Variants in COL7A1 observed in about 807,000 individuals in gnomAD.
The protein encoded by COL7A1 is collagen type VII alpha 1 chain.
In COL7A1, 296 loss-of-function variants were observed where a neutral mutation model predicts 456.2. The observed-to-expected ratio is 0.65, with a 90% confidence interval of 0.59 to 0.71. The LOEUF is 0.71. Among genes scored for constraint, COL7A1 ranks in the 30% least tolerant of loss-of-function variants. The probability of loss-of-function intolerance (pLI) is 0.00; values close to 1 mark genes in which losing one functional copy is unlikely to be tolerated. For synonymous variants in COL7A1, 1,464 were observed against 1,525.9 expected (o/e 0.96, Z 0.95); for missense variants, 3,441 against 4,017.2 (o/e 0.86, Z 3.88).
rs749165316 is a variant in COL7A1, at chr3:48,568,114, G to T, written c.7851C>A (p.Gly2617=). ...PGIRGEKGDV[G]FMGPRGLKGE... ...CCTTGAGGCCCCGGGGACCCATGAA[G>T]CCAACATCTCCTTTTTCTCCTCGGA... Residue 2617 remains glycine (G), a synonymous_variant, in exon 106 of 119, where the codon GGC becomes GGA. Transcript: ENST00000681320. The surrounding 1 kb of genome is among the most constrained non-coding windows in gnomAD (Gnocchi z 5.2). 6.2e-7 allele frequency: 1 copy of T among 1,614,184 alleles called. No homozygotes were observed. Among genetic ancestry groups the T allele is most frequent in the Non-Finnish European group, 8.5e-7 (1 of 1,180,040 alleles).
chr3:48,589,380 C>T lies in COL7A1; in HGVS notation c.2261G>A (p.Arg754Lys), dbSNP rs1196095470. The change falls in exon 18 of 119, where the codon AGG becomes AAG. Residue 754 changes from arginine (R) to lysine (K), a missense_variant. Arg to Lys is a conservative substitution (Grantham distance 26). Coordinates refer to ENST00000681320, the MANE Select transcript of COL7A1 (RefSeq NM_000094.4). The part of the protein sequence containing the change: ...EPDTEYTVHV[R>K]AHVAGVDGPP... ...CCCATCCACGCCAGCCACATGGGCC[C>T]TCACATGCACCGTATACTCAGTATC... 2 of 1,613,426 alleles carry T rather than the reference C, an allele frequency of 1.2e-6. No homozygotes were observed. Among genetic ancestry groups the T allele is most frequent in the Non-Finnish European group, 1.7e-6 (2 of 1,180,002 alleles).
Position 48,571,545 on chromosome 3 carries a change from A to C in COL7A1, c.7069-267T>G. The C allele has an allele frequency of 1.4e-6, 1 of 694,866 alleles. No homozygotes were observed. The highest frequency in any genetic ancestry group is 2.0e-5 in the Admixed American group (1 of 49,214). 43.0% of individuals were successfully genotyped at this position (694,866 alleles called of 1,614,324 possible). A position where few individuals can be genotyped will look rare whatever the true frequency, so the allele number is the denominator to read the frequency against. On this transcript the variant is annotated intron_variant, in intron 92 of 118. Transcript: ENST00000681320. This position sits in a 1 kb window ranked among gnomAD's most constrained non-coding sequence, Gnocchi z 4.6. Reference sequence around the variant, plus strand: ...ACAGGGAGCCCACACGCGAGTGCAGACATCTGGCTCCACAGACGTGAGTGC... The same window carrying C: ...ACAGGGAGCCCACACGCGAGTGCAGCCATCTGGCTCCACAGACGTGAGTGC...
rs1217003870 is a variant in COL7A1 at position 48,573,112 on chromosome 3, G to C, written c.6715-56C>G. ...ACAATGGACACAGGACGACATGAGA[G>C]AACATGGGCCCCAAGGAGTGAAAAC... On this transcript the variant is annotated intron_variant, in intron 85 of 118. Transcript: ENST00000681320. This position sits in a 1 kb window ranked among gnomAD's most constrained non-coding sequence, Gnocchi z 5.5. 1.2e-6 allele frequency: 2 copies of C among 1,614,008 alleles called. No individual in the cohort carries two copies. The highest frequency in any genetic ancestry group is 2.7e-5 in the African/African-American group (2 of 74,934).
chr3:48,564,784 T>C lies in COL7A1; in HGVS notation c.8817A>G (p.Thr2939=), dbSNP rs766321543. 8.7e-6 allele frequency: 14 copies of C among 1,613,392 alleles called. No homozygotes were observed. The highest frequency in any genetic ancestry group is 5.1e-6 in the Non-Finnish European group (6 of 1,179,838). ...CCACGGTGGGGGCTCAGCCCATACCTGTCCCCTGGCTCTGGACCACCCGGG... is the reference window on the plus strand; with the variant it reads ...CCACGGTGGGGGCTCAGCCCATACCCGTCCCCTGGCTCTGGACCACCCGGG... The part of the protein sequence containing the change: ...CPPRVVQSQG[T]GTAQD Residue 2939 remains threonine, a splice_region_variant and synonymous_variant, in exon 118 of 119, where the codon ACA becomes ACG. Transcript: ENST00000681320. This position sits in a 1 kb window ranked among gnomAD's most constrained non-coding sequence, Gnocchi z 6.0.
rs375982451 is a variant in COL7A1 at position 48,590,436 on chromosome 3, C to A, written c.1906+23G>T. 9.9e-6 allele frequency: 16 copies of A among 1,614,068 alleles called. No individual in the cohort carries two copies. Among genetic ancestry groups the A allele is most frequent in the Middle Eastern group, 1.6e-4 (1 of 6,062 alleles). On this transcript the variant is annotated intron_variant, in intron 15 of 118. Coordinates refer to ENST00000681320, the MANE Select transcript of COL7A1 (RefSeq NM_000094.4). This position sits in a 1 kb window ranked among gnomAD's most constrained non-coding sequence, Gnocchi z 4.6. Reference sequence around the variant, plus strand: ...TACCCTCATTGGTCCCTTTGGCAGTCCCCCCACACACCCCACACTGACCAC... The same window carrying A: ...TACCCTCATTGGTCCCTTTGGCAGTACCCCCACACACCCCACACTGACCAC...
chr3:48,584,640 C>T (rs2045087891), intron 35 of COL7A1, 84 bp from the exon 36 acceptor site: 2 of 1,612,600 alleles, frequency 1.2e-6, no homozygotes, highest in African/African-American at 1.3e-5. Flanking sequence ...CCAGCTATTC[C>T]TATTCGCGCC....
Position 48,567,489 on chromosome 3 carries a change from T to C in COL7A1, c.8046+85A>G, listed in dbSNP as rs2043658325. 3 of 1,579,048 alleles carry C rather than the reference T, an allele frequency of 1.9e-6. No individual in the cohort carries two copies. The highest frequency in any genetic ancestry group is 2.6e-6 in the Non-Finnish European group (3 of 1,148,756). ...AGTCCCAACCCTCTACAGCCTTCCTTGTCCCTACACCCCCATGACCCGACC... is the reference window on the plus strand; with the variant it reads ...AGTCCCAACCCTCTACAGCCTTCCTCGTCCCTACACCCCCATGACCCGACC... On this transcript the variant is annotated intron_variant, in intron 109 of 118. Transcript: ENST00000681320. This position sits in a 1 kb window ranked among gnomAD's most constrained non-coding sequence, Gnocchi z 4.3.
chr3:48,592,673 A>ACTGGTCTCACCAG lies in COL7A1; in HGVS notation c.860_872dup (p.Val292TrpfsTer2). ...GTGGCCGGAGACCCCGCAGCCGCAC[A>ACTGGTCTCACCAG]CTGGTCTCACCAGCTGGGACGTTCA... On this transcript the variant is annotated stop_gained and frameshift_variant, in exon 8 of 119. Transcript: ENST00000681320. LOFTEE classifies it high-confidence loss of function. The surrounding 1 kb of genome is among the most constrained non-coding windows in gnomAD (Gnocchi z 7.6). 1.2e-6 allele frequency: 2 copies of ACTGGTCTCACCAG among 1,613,592 alleles called. No homozygotes were observed. Among genetic ancestry groups the ACTGGTCTCACCAG allele is most frequent in the Non-Finnish European group, 1.7e-6 (2 of 1,179,950 alleles).
chr3:48,585,875 G>C lies in COL7A1; in HGVS notation c.3760-19C>G, dbSNP rs1320285510. On this transcript the variant is annotated intron_variant, in intron 29 of 118. Transcript: ENST00000681320. This position sits in a 1 kb window ranked among gnomAD's most constrained non-coding sequence, Gnocchi z 4.5. ...TCTGGCCCTGGGGAAAGACATGTCA[G>C]ATGTGGGTCAGAGTGGCTAGCCCCA... The C allele has an allele frequency of 6.2e-7, 1 of 1,614,142 alleles. No homozygotes were observed. Among genetic ancestry groups the C allele is most frequent in the Non-Finnish European group, 8.5e-7 (1 of 1,180,024 alleles).
chr3:48,568,459 CT>C lies in COL7A1; in HGVS notation c.7794+39del. ...GGACCACCATGGTGACGGGGGCCCTCTGGGGACAGGGGGCCCCTGTGGGAGC... is the reference window on the plus strand; with the variant it reads ...GGACCACCATGGTGACGGGGGCCCTCGGGGACAGGGGGCCCCTGTGGGAGC... On this transcript the variant is annotated intron_variant, in intron 105 of 118. Transcript: ENST00000681320. The surrounding 1 kb of genome is among the most constrained non-coding windows in gnomAD (Gnocchi z 5.2). 1 of 1,579,828 alleles carries C rather than the reference CT, an allele frequency of 6.3e-7. No individual in the cohort carries two copies.
chr3:48,585,633 G>A lies in COL7A1; in HGVS notation c.3832-14C>T. 6.2e-7 allele frequency: 1 copy of A among 1,614,022 alleles called. No individual in the cohort carries two copies. The highest frequency in any genetic ancestry group is 8.5e-7 in the Non-Finnish European group (1 of 1,180,018). ...ACCGGTCCTGCCCTGAAAGAAGATA[G>A]CAGTTAGGTGGGGATAAGCCAGTCA... On this transcript the variant is annotated splice_polypyrimidine_tract_variant and intron_variant, in intron 31 of 118. Coordinates refer to ENST00000681320, the MANE Select transcript of COL7A1 (RefSeq NM_000094.4). This position sits in a 1 kb window ranked among gnomAD's most constrained non-coding sequence, Gnocchi z 4.5.
At chr3:48,584,579 G>T (rs761504629) in intron 35 of COL7A1, 23 bp from the exon 36 acceptor site, 15 of 1,613,990 alleles carry the variant, frequency 9.3e-6, no homozygotes, top group Admixed American at 1.7e-5. Flanking sequence ...AGAGCAGTGG[G>T]CAGGATTCAG....
intron 44 of COL7A1, 73 bp from the exon 45 acceptor site, chr3:48,582,726 G>T: frequency 6.5e-7 from 1 of 1,530,440 alleles, no homozygotes; most frequent in Non-Finnish European, 9.0e-7. Context: ...GCTAGAGGCT[G>T]GGGTGGGGGC....
At position 48,579,663 on chromosome 3, in the gene COL7A1, C is replaced by T. The variant is rs1307056880; in HGVS notation, c.5160G>A (p.Glu1720=). The change falls in exon 59 of 119, where the codon GAG becomes GAA. Residue 1720 remains glutamate, a synonymous_variant. Coordinates refer to ENST00000681320, the MANE Select transcript of COL7A1 (RefSeq NM_000094.4). The surrounding 1 kb of genome is among the most constrained non-coding windows in gnomAD (Gnocchi z 4.4). ...DTGPGAREKG[E]PGDRGQEGPR... ...GACCCTCTTGTCCGCGGTCCCCAGG[C>T]TCTCCCTGTGGCAGAGATAAGCTTG... 4 of 1,613,728 alleles carry T rather than the reference C, an allele frequency of 2.5e-6. No homozygotes were observed. The highest frequency in any genetic ancestry group is 3.4e-6 in the Non-Finnish European group (4 of 1,179,996).
rs558087041 is a variant in COL7A1, at chr3:48,572,745, G to A, written c.6832-6C>T. On this transcript the variant is annotated splice_region_variant and splice_polypyrimidine_tract_variant and intron_variant, in intron 87 of 118. Coordinates refer to ENST00000681320, the MANE Select transcript of COL7A1 (RefSeq NM_000094.4). This position sits in a 1 kb window ranked among gnomAD's most constrained non-coding sequence, Gnocchi z 4.6. ...CCAGGCAGACCTGGTGACCCCTATG[G>A]CAGAGCAGCGTGAGGAACTCAGTGC... 3 of 1,610,398 alleles carry A rather than the reference G, an allele frequency of 1.9e-6. No individual in the cohort carries two copies. The African/African-American group carries it at 4.0e-5, about 22-fold the overall frequency.
rs2043946068 is a variant in COL7A1 at position 48,571,925 on chromosome 3, G to A, written c.7068+76C>T. The A allele has an allele frequency of 7.7e-6, 12 of 1,556,592 alleles. No homozygotes were observed. The highest frequency in any genetic ancestry group is 2.7e-5 in the African/African-American group (2 of 73,562). On this transcript the variant is annotated intron_variant, in intron 92 of 118. Coordinates refer to ENST00000681320, the MANE Select transcript of COL7A1 (RefSeq NM_000094.4). The surrounding 1 kb of genome is among the most constrained non-coding windows in gnomAD (Gnocchi z 4.6). The stretch of plus-strand genomic sequence containing the variant: ...ACTCAGGGGCTCAGACATGTGCCCC[G>A]GCCCAAGAGTGGCCCCTTATGCCCG...
chr3:48,568,190 T>A lies in COL7A1; in HGVS notation c.7795-20A>T, dbSNP rs1199767961. The A allele has an allele frequency of 6.2e-7, 1 of 1,610,844 alleles. No homozygotes were observed. The highest frequency in any genetic ancestry group is 1.3e-5 in the African/African-American group (1 of 74,864). On this transcript the variant is annotated intron_variant, in intron 105 of 118. Coordinates refer to ENST00000681320, the MANE Select transcript of COL7A1 (RefSeq NM_000094.4). The surrounding 1 kb of genome is among the most constrained non-coding windows in gnomAD (Gnocchi z 5.2). ...GGATCCCTAGCAGGGAGAGGGTCCA[T>A]GTGAGGTCAGAGGAGGTCAGTGAGG...
chr3:48,582,951 G>A, intron 44 of COL7A1, 62 bp downstream of exon 44: 1 of 1,612,970 alleles, frequency 6.2e-7, no homozygotes, highest in Non-Finnish European at 8.5e-7. Context: ...AGGGCAAGAA[G>A]TCAGAACCAG....
In COL7A1 at chr3:48,591,300, TGAC is replaced by T. The variant is rs2045680351; in HGVS notation, c.1636+161_1636+163del. 1.3e-5 allele frequency among the ~76,000 whole-genome samples: 2 copies of T among 152,036 alleles called. No individual in the cohort carries two copies. Among genetic ancestry groups the T allele is most frequent in the South Asian group, 4.1e-4 (2 of 4,824 alleles). On this transcript the variant is annotated intron_variant, in intron 13 of 118. Coordinates refer to ENST00000681320, the MANE Select transcript of COL7A1 (RefSeq NM_000094.4). The surrounding 1 kb of genome is among the most constrained non-coding windows in gnomAD (Gnocchi z 7.0). The stretch of plus-strand genomic sequence containing the variant: ...TAGGGTAGGGGCAGACACACCCTGT[TGAC>T]AGTTCAGGGCTCAGTGCCATCTTGG...
Sources: gnomAD v4.1 joint callset for allele counts (sites outside exome capture counted in the v4.1 genomes callset) on GRCh38, gnomAD v4.1.1 for gene constraint, Gnocchi (gnomAD v3.1) non-coding constraint, MANE v1.5 for transcripts, NCBI Gene and HGNC (gene_info 2026-07-23, HGNC 2026-07-21) for gene names.